The following ZNF618 variants were observed in gnomAD, a reference collection of about 807,000 sequenced individuals.
The protein encoded by ZNF618 is neural precursor cell expressed, developmentally down-regulated 10.
ZNF618 carries 34 observed loss-of-function variants against 103.0 expected under a neutral mutation model. The observed-to-expected ratio is 0.33, with a 90% CI of 0.25 to 0.44. The LOEUF is 0.44. Ranked by LOEUF, ZNF618 falls within the 20% of genes least tolerant of loss-of-function variation. The pLI is 1.00. For synonymous variants in ZNF618, 551 were observed against 542.2 expected (o/e 1.02, Z -0.23); for missense variants, 1,059 against 1,295.4 (o/e 0.82, Z 2.80).
At chr9:113,900,763 C>G (rs1165447556) in intron 1 of ZNF618, among the ~76,000 whole-genome samples, 1 of 120,552 alleles carries the variant, frequency 8.3e-6, no homozygotes, top group Non-Finnish European at 1.7e-5. Context: ...GCAAACCCGA[C>G]CTCCTGTCTC....
chr9:113,957,800 GT>G (rs1302257134), intron 1 of ZNF618, among the ~76,000 whole-genome samples: 1 of 126,164 alleles, frequency 7.9e-6, no homozygotes, highest in Non-Finnish European at 1.7e-5. Context: ...TGAAGCAAAA[GT>G]TTCCTTTTTT....
At chr9:113,964,137 C>A (rs780666216) in intron 1 of ZNF618, among the ~76,000 whole-genome samples, 3 of 152,106 alleles carry the variant, frequency 2.0e-5, no homozygotes, top group Non-Finnish European at 4.4e-5. Context: ...CTTGGAAATG[C>A]CCCCTCCAAG....
intron 1 of ZNF618, among the ~76,000 whole-genome samples, chr9:113,917,391 C>A (rs1387524874): frequency 6.6e-6 from 1 of 151,414 alleles, no homozygotes. Flanking sequence ...GGACTACAGG[C>A]GTGTGCCACC....
intron 2 of ZNF618, among the ~76,000 whole-genome samples, chr9:113,976,603 C>T (rs1472413075): frequency 6.6e-6 from 1 of 152,192 alleles, no homozygotes; most frequent in Non-Finnish European, 1.5e-5. Flanking sequence ...TCACTCCTGC[C>T]TGGCTGTCCT....
At chr9:113,981,209 A>G (rs1461489930) in intron 2 of ZNF618, among the ~76,000 whole-genome samples, 1 of 152,084 alleles carries the variant, frequency 6.6e-6, no homozygotes, top group Non-Finnish European at 1.5e-5. Context: ...TACACACTGT[A>G]ATTAGAGGCT....
intron 1 of ZNF618, among the ~76,000 whole-genome samples, chr9:113,939,219 G>C (rs1174689012): frequency 2.0e-5 from 3 of 152,188 alleles, no homozygotes; most frequent in Admixed American, 6.5e-5. Flanking sequence ...GGAGGTTTTT[G>C]AGAGATACCC....
chr9:113,951,951 G>A (rs1208410313), intron 1 of ZNF618, among the ~76,000 whole-genome samples: 4 of 152,132 alleles, frequency 2.6e-5, no homozygotes, highest in African/African-American at 4.8e-5. Context: ...TTGGAGCCCC[G>A]CTTTCTTTCA....
chr9:113,951,511 G>GTGCACATATA (rs1564207659), intron 1 of ZNF618, among the ~76,000 whole-genome samples: 1 of 94,332 alleles, frequency 1.1e-5, no homozygotes, highest in East Asian at 3.9e-4. Flanking sequence ...ACACATATAT[G>GTGCACATATA]TGTGTATATG....
chr9:114,002,597 C>T (rs374481787), intron 5 of ZNF618, 27 bp from the exon 6 acceptor site: 5 of 1,591,864 alleles, frequency 3.1e-6, no homozygotes, highest in Non-Finnish European at 4.3e-6. Flanking sequence ...TAGCCCCACC[C>T]CCATCCCTCT....
intron 1 of ZNF618, among the ~76,000 whole-genome samples, chr9:113,958,233 G>A (rs1463561611): frequency 1.3e-4 from 20 of 152,144 alleles, no homozygotes; most frequent in Admixed American, 9.2e-4. Context: ...ATTTGGACTC[G>A]GAGTATCTGG....
At chr9:113,910,953 C>G (rs1831490181) in intron 1 of ZNF618, among the ~76,000 whole-genome samples, 1 of 152,118 alleles carries the variant, frequency 6.6e-6, no homozygotes, top group Admixed American at 6.5e-5. Context: ...GCCTCAGCCC[C>G]CTGAGTAGCT....
At chr9:113,919,605 C>G (rs1049942407) in intron 1 of ZNF618, among the ~76,000 whole-genome samples, 2 of 152,202 alleles carry the variant, frequency 1.3e-5, no homozygotes, top group African/African-American at 4.8e-5. Flanking sequence ...GGCCCCTGGG[C>G]CGGCTGCTGC....
chr9:114,050,508 G>C lies in ZNF618; in HGVS notation c.*341G>C, dbSNP rs961604255. On this transcript the variant is annotated 3_prime_UTR_variant, in exon 15 of 15. Coordinates refer to ENST00000374126, the MANE Select transcript of ZNF618 (RefSeq NM_001318042.2). Reference sequence around the variant, plus strand: ...GTGCGTGTACATACGCCTGTGCTTGGACGGGTGTGCATTGAACTGGGCGTG... The same window carrying C: ...GTGCGTGTACATACGCCTGTGCTTGCACGGGTGTGCATTGAACTGGGCGTG... 8.7e-5 allele frequency: 17 copies of C among 196,094 alleles called. No individual in the cohort carries two copies. In the South Asian group the frequency reaches 1.6e-3, roughly 18 times the overall value. The allele number at this position is 196,094 out of a possible 1,614,324, so 12.1% of individuals were successfully genotyped here. A position where few individuals can be genotyped will look rare whatever the true frequency, so the allele number is the denominator to read the frequency against.
intron 2 of ZNF618, among the ~76,000 whole-genome samples, chr9:113,970,012 C>A (rs562496657): frequency 6.6e-6 from 1 of 152,202 alleles, no homozygotes; most frequent in African/African-American, 2.4e-5. Context: ...AACACTAGTT[C>A]TTTAAAATGT....
chr9:113,949,466 G>A (rs1028020292), intron 1 of ZNF618, among the ~76,000 whole-genome samples: 1 of 152,156 alleles, frequency 6.6e-6, no homozygotes, highest in Non-Finnish European at 1.5e-5. Flanking sequence ...CCTTACGGCT[G>A]GTTCCTCTGC....
chr9:113,993,358 A>T (rs7863348), intron 3 of ZNF618, among the ~76,000 whole-genome samples: 89,613 of 152,146 alleles, frequency 0.59, 26,906 homozygotes, highest in Middle Eastern at 0.73. Flanking sequence ...CCTTCTCAAC[A>T]CAGTATGCCA....
chr9:113,950,409 G>C (rs564675396), intron 1 of ZNF618, among the ~76,000 whole-genome samples: 1 of 152,164 alleles, frequency 6.6e-6, no homozygotes, highest in Non-Finnish European at 1.5e-5. Flanking sequence ...GGAAGAAGTA[G>C]CATTTCTTCT....
intron 1 of ZNF618, among the ~76,000 whole-genome samples, chr9:113,965,168 A>G (rs1326950966): frequency 6.6e-6 from 1 of 152,158 alleles, no homozygotes; most frequent in South Asian, 2.1e-4. Context: ...TTAAATTAAA[A>G]AAGGGTTTAT....
At chr9:114,029,068 G>A (rs1369656407) in intron 11 of ZNF618, 96 bp downstream of exon 11, 23 of 1,463,788 alleles carry the variant, frequency 1.6e-5, no homozygotes, top group Non-Finnish European at 1.8e-5. Flanking sequence ...CCTTGCAAGA[G>A]CAAGAGTGGC....
Sources: allele counts gnomAD v4.1 joint callset (sites outside exome capture counted in the v4.1 genomes callset), GRCh38; gene constraint gnomAD v4.1.1; transcripts MANE v1.5; gene names NCBI Gene and HGNC (gene_info 2026-07-23, HGNC 2026-07-21).